FOXP2: variants seen among roughly 807,000 people sequenced by gnomAD.
FOXP2 encodes the protein forkhead box P2.
FOXP2 carries 12 observed loss-of-function variants against 115.8 expected under a neutral mutation model. That is an observed-to-expected ratio of 0.10 (90% CI 0.07 to 0.17). The LOEUF (loss-of-function observed/expected upper bound fraction) is 0.17. Ranked by LOEUF, FOXP2 falls within the 10% of genes least tolerant of loss-of-function variation. FOXP2 has a pLI of 1.00. For synonymous variants in FOXP2, 328 were observed against 297.7 expected, an observed-to-expected ratio of 1.10 and a Z score of -1.05; for missense variants, 629 against 843.5, an observed-to-expected ratio of 0.75 and a Z score of 3.15.
chr7:114,396,911 G>A (rs1255860859), intron 2 of FOXP2, among the ~76,000 whole-genome samples: 2 of 151,874 alleles, frequency 1.3e-5, no homozygotes, highest in Non-Finnish European at 2.9e-5. Flanking sequence ...ATTCCACAAG[G>A]TATATACACT....
At chr7:114,391,201 A>G (rs1792591658) in intron 2 of FOXP2, among the ~76,000 whole-genome samples, 1 of 152,058 alleles carries the variant, frequency 6.6e-6, no homozygotes, top group Non-Finnish European at 1.5e-5. Context: ...AAAAAAAAAA[A>G]AAATCTGACT....
At chr7:114,198,834 A>T (rs1291515391) in intron 1 of FOXP2, among the ~76,000 whole-genome samples, 1 of 152,182 alleles carries the variant, frequency 6.6e-6, no homozygotes, top group African/African-American at 2.4e-5. Flanking sequence ...TGAAATTGGG[A>T]TCTGGCAAAT....
intron 1 of FOXP2, among the ~76,000 whole-genome samples, chr7:114,423,750 T>C (rs2129203780): frequency 6.6e-6 from 1 of 151,738 alleles, no homozygotes; most frequent in Non-Finnish European, 1.5e-5. Flanking sequence ...GCTGGAAATA[T>C]TTCCTATATT....
At chr7:114,534,772 C>A in intron 3 of FOXP2, 66 bp downstream of exon 3, 1 of 1,224,016 alleles carries the variant, frequency 8.2e-7, no homozygotes, top group Non-Finnish European at 1.2e-6. Flanking sequence ...AACAGATGTG[C>A]AGACCCACTT....
chr7:114,187,546 C>T lies in FOXP2; in HGVS notation c.-102+24458C>T, dbSNP rs75675862. ...CTAGGCAGATTCAGATTTTTCCCTA[C>T]AACTCTTCTTCTGAGCTGACAAAAG... On this transcript the variant is annotated intron_variant, in intron 1 of 17. Transcript: ENST00000634411. 6.8e-3 allele frequency among the ~76,000 whole-genome samples: 1,033 copies of T among 152,310 alleles called. 4 individuals carry two copies. The highest frequency in any genetic ancestry group is 9.4e-3 in the Non-Finnish European group (638 of 68,024).
chr7:114,616,260 T>G (rs563146055), intron 3 of FOXP2, among the ~76,000 whole-genome samples: 121 of 152,200 alleles, frequency 8.0e-4, no homozygotes, highest in Non-Finnish European at 1.7e-3. Context: ...CCTCCAGGGT[T>G]CAAGCGATTC....
At chr7:114,626,638 T>G (rs984293428) in intron 3 of FOXP2, among the ~76,000 whole-genome samples, 3 of 151,802 alleles carry the variant, frequency 2.0e-5, no homozygotes, top group Non-Finnish European at 4.4e-5. Context: ...CTTTTTAGTT[T>G]AATATGTCTA....
chr7:114,277,262 TTA>T (rs1245023432), intron 1 of FOXP2, among the ~76,000 whole-genome samples: 4 of 152,280 alleles, frequency 2.6e-5, no homozygotes, highest in African/African-American at 9.6e-5. Flanking sequence ...TCTGTAGGTT[TTA>T]AAAAGGGTAT....
At chr7:114,297,261 G>A (rs888022427) in intron 2 of FOXP2, 12 of 483,960 alleles carry the variant, frequency 2.5e-5, no homozygotes, top group Admixed American at 2.3e-4. Flanking sequence ...ACTCCATGGC[G>A]CGCAGCTCCT....
At chr7:114,241,268 C>T (rs567028670) in intron 1 of FOXP2, among the ~76,000 whole-genome samples, 21 of 152,102 alleles carry the variant, frequency 1.4e-4, no homozygotes, top group African/African-American at 5.1e-4. Flanking sequence ...TGTTTTTATT[C>T]CTGTCTCTTT....
intron 2 of FOXP2, among the ~76,000 whole-genome samples, chr7:114,354,946 A>G (rs928584325): frequency 6.6e-6 from 1 of 152,142 alleles, no homozygotes; most frequent in African/African-American, 2.4e-5. Flanking sequence ...GAGCATTGCT[A>G]TTGCTTTTTC....
chr7:114,637,152 C>T (rs10278496), intron 6 of FOXP2, among the ~76,000 whole-genome samples: 17,425 of 152,054 alleles, frequency 0.11, 1,104 homozygotes, highest in Middle Eastern at 0.18. Flanking sequence ...TGCACTCCAG[C>T]GAGACCATGT....
At chr7:114,644,999 T>A (rs1465292598) in intron 8 of FOXP2, 1 of 469,584 alleles carries the variant, frequency 2.1e-6, no homozygotes, top group Non-Finnish European at 3.9e-6. Context: ...GTAAAGATTT[T>A]TGAATGAATG....
intron 1 of FOXP2, among the ~76,000 whole-genome samples, chr7:114,253,421 G>T (rs1795509078): frequency 1.3e-5 from 2 of 152,136 alleles, no homozygotes. Flanking sequence ...TATTATGTGG[G>T]AGTCTAAGTC....
rs1277420772 is a variant in FOXP2 at position 114,642,799 on chromosome 7, TATATATATATATA to T, written c.989+177_989+189del. ...TATATAATATATATATATATATATA[TATATATATATATA>T]TTTTTTTTTTTTTTTAGGCAGAGTC... is the stretch of plus-strand genomic sequence containing the variant. On this transcript the variant is annotated intron_variant, in intron 7 of 16. Transcript: ENST00000350908. 9.2e-4 allele frequency among the ~76,000 whole-genome samples: 53 copies of T among 57,382 alleles called. 1 individual carries two copies. Among genetic ancestry groups the T allele is most frequent in the African/African-American group, 2.2e-3 (39 of 17,782 alleles). The allele number at this position is 57,382 out of a possible 152,430, so 37.6% of individuals were successfully genotyped here.
intron 8 of FOXP2, among the ~76,000 whole-genome samples, chr7:114,646,934 G>A (rs1462947551): frequency 1.3e-5 from 2 of 151,902 alleles, no homozygotes; most frequent in Non-Finnish European, 2.9e-5. Context: ...TAATAATGGA[G>A]AAAATTGAGG....
At chr7:114,260,329 G>A (rs1795717989) in intron 1 of FOXP2, among the ~76,000 whole-genome samples, 1 of 151,916 alleles carries the variant, frequency 6.6e-6, no homozygotes, top group East Asian at 1.9e-4. Flanking sequence ...ATTGACTGAT[G>A]GAATATATCA....
At chr7:114,131,747 C>T (rs1417865451) in intron 1 of FOXP2, among the ~76,000 whole-genome samples, 1 of 152,106 alleles carries the variant, frequency 6.6e-6, no homozygotes, top group Non-Finnish European at 1.5e-5. Flanking sequence ...TACACATTCT[C>T]ATAAAAAGGA....
chr7:114,646,792 A>C (rs1339516204), intron 8 of FOXP2, among the ~76,000 whole-genome samples: 4 of 151,974 alleles, frequency 2.6e-5, no homozygotes, highest in African/African-American at 7.2e-5. Flanking sequence ...AAAAGAAAGA[A>C]AATATCTCAT....
Sources: allele counts gnomAD v4.1 joint callset (sites outside exome capture counted in the v4.1 genomes callset), GRCh38; gene constraint gnomAD v4.1.1; transcripts MANE v1.5; gene names NCBI Gene and HGNC (gene_info 2026-07-23, HGNC 2026-07-21).